Variants in ADGRE3 observed in about 807,000 individuals in gnomAD.
ADGRE3 encodes EGF-like module receptor 3.
Under a neutral mutation model 80.1 loss-of-function variants are expected in ADGRE3, and 88 were observed. The observed-to-expected ratio is 1.10, with a 90% CI of 0.93 to 1.31. ADGRE3 has a LOEUF of 1.31. Among genes scored for constraint, ADGRE3 ranks in the 40% most tolerant of loss-of-function variants. The pLI is 0.00. For synonymous variants in ADGRE3, 281 were observed against 294.8 expected (o/e 0.95, Z 0.48); for missense variants, 715 against 776.5 (o/e 0.92, Z 0.94).
the ADGRE3 span, among the ~76,000 whole-genome samples, chr19:14,613,747 A>T: frequency 2.0e-5 from 3 of 152,078 alleles, no homozygotes; most frequent in African/African-American, 7.2e-5. Context: ...GTACAGTGGC[A>T]TGATCTCGGC....
intron 11 of ADGRE3, among the ~76,000 whole-genome samples, chr19:14,636,129 T>TTC (rs1568481341): frequency 9.1e-5 from 4 of 44,174 alleles, no homozygotes; most frequent in Non-Finnish European, 1.5e-4. Context: ...TTTCTTTCTT[T>TTC]CTTTCTTTCT....
At chr19:14,674,672 A>G in intron 1 of ADGRE3, 74 bp downstream of exon 1, 3 of 1,464,378 alleles carry the variant, frequency 2.0e-6, no homozygotes, top group Non-Finnish European at 2.8e-6. Context: ...AGGAGAAAAT[A>G]ACCAATTGTT....
At chr19:14,673,594 G>T (rs927501804) in intron 1 of ADGRE3, among the ~76,000 whole-genome samples, 1 of 152,202 alleles carries the variant, frequency 6.6e-6, no homozygotes, top group African/African-American at 2.4e-5. Context: ...TACTAGCTGT[G>T]TGATGTTGGA....
chr19:14,607,930 G>C, the ADGRE3 span, among the ~76,000 whole-genome samples: 2 of 152,044 alleles, frequency 1.3e-5, no homozygotes, highest in Non-Finnish European at 1.5e-5. Context: ...GAGTGCAGTG[G>C]TGCAATCTCG....
rs2075101597 is a variant in ADGRE3 at position 14,619,120 on chromosome 19, G to A, written c.*313C>T. 5.9e-6 allele frequency: 2 copies of A among 340,126 alleles called. No homozygotes were observed. The highest frequency in any genetic ancestry group is 2.2e-5 in the African/African-American group (1 of 44,924). The allele number at this position is 340,126 out of a possible 1,614,324, so 21.1% of individuals were successfully genotyped here. On this transcript the variant is annotated 3_prime_UTR_variant, in exon 16 of 16. Transcript: ENST00000253673. ...TGTCTTAAAAAAAGAGCAAGTTTAG[G>A]ATGAGTGGGACTAAGAACTTGAGGA... is the stretch of plus-strand genomic sequence containing the variant.
chr19:14,642,732 C>T (rs983731655), intron 9 of ADGRE3, among the ~76,000 whole-genome samples: 4 of 152,130 alleles, frequency 2.6e-5, no homozygotes, highest in Non-Finnish European at 5.9e-5. Flanking sequence ...CCATCCATGT[C>T]CCTGCAAAGG....
At chr19:14,620,537 T>TATATATATAATATATATA (rs1415988959) in intron 15 of ADGRE3, among the ~76,000 whole-genome samples, 2 of 18,450 alleles carry the variant, frequency 1.1e-4, no homozygotes, top group African/African-American at 6.1e-4. Context: ...TATATATATT[T>TATATATATAATATATATA]TATATATATA....
chr19:14,619,540 A>C, intron 15 of ADGRE3, 69 bp from the exon 16 acceptor site: 1 of 1,204,462 alleles, frequency 8.3e-7, no homozygotes, highest in Non-Finnish European at 1.2e-6. Context: ...AATCAACAAC[A>C]TGGAAAAACA....
chr19:14,627,914 A>G (rs1450019993), intron 14 of ADGRE3, among the ~76,000 whole-genome samples: 1 of 151,892 alleles, frequency 6.6e-6, no homozygotes, highest in African/African-American at 2.4e-5. Context: ...AGATCACCTG[A>G]GGTCGGGAGT....
chr19:14,620,548 T>TATATTTTA, intron 15 of ADGRE3, among the ~76,000 whole-genome samples: 1 of 24,982 alleles, frequency 4.0e-5, no homozygotes, highest in Non-Finnish European at 6.2e-5. Context: ...TATATATATA[T>TATATTTTA]TATATATATA....
intron 8 of ADGRE3, among the ~76,000 whole-genome samples, chr19:14,646,693 C>CTCCT (rs1217192329): frequency 0.41 from 26,466 of 64,706 alleles, 5,385 homozygotes; most frequent in South Asian, 0.5. Flanking sequence ...CCCTCCCTCC[C>CTCCT]TCCTTCCTTC....
chr19:14,645,678 A>T (rs985425791), intron 8 of ADGRE3, among the ~76,000 whole-genome samples: 3 of 152,024 alleles, frequency 2.0e-5, no homozygotes, highest in African/African-American at 7.2e-5. Context: ...AAAAAAAGAA[A>T]ATAGAAAAAC....
chr19:14,633,364 A>C, intron 11 of ADGRE3, 62 bp from the exon 12 acceptor site: 2 of 1,290,148 alleles, frequency 1.6e-6, no homozygotes, highest in East Asian at 2.5e-5. Flanking sequence ...GATCAACATA[A>C]AGTGTCTCTT....
chr19:14,635,813 A>G (rs1488143965), intron 11 of ADGRE3, among the ~76,000 whole-genome samples: 1 of 152,138 alleles, frequency 6.6e-6, no homozygotes, highest in African/African-American at 2.4e-5. Flanking sequence ...CTCTCATCTT[A>G]AATAGGTACA....
rs200791553 is a variant in ADGRE3, at chr19:14,658,508, C to T, written c.393+5G>A. 5.8e-5 allele frequency: 90 copies of T among 1,561,000 alleles called. 1 individual carries two copies. In the South Asian group the frequency reaches 1.0e-3, roughly 17 times the overall value. ...GGAAGGGTCTGGGGATCAGCCTCCA[C>T]TCACCTCTTTCCTGCCCTCGGTTGT... On this transcript the variant is annotated splice_donor_5th_base_variant and intron_variant, in intron 5 of 15. Coordinates refer to ENST00000253673, the MANE Select transcript of ADGRE3 (RefSeq NM_032571.5).
intron 14 of ADGRE3, 23 bp from the exon 15 acceptor site, chr19:14,625,622 T>A (rs1012387428): frequency 6.6e-7 from 1 of 1,506,604 alleles, no homozygotes; most frequent in Non-Finnish European, 9.2e-7. Flanking sequence ...AGGAAATACC[T>A]GGATGGGTTT....
chr19:14,662,622 G>A (rs945755220), intron 3 of ADGRE3, among the ~76,000 whole-genome samples: 2 of 152,076 alleles, frequency 1.3e-5, no homozygotes, highest in Non-Finnish European at 2.9e-5. Context: ...CTGACCTCAG[G>A]TGATCCACCT....
chr19:14,615,315 G>A (rs1218180565), downstream of ADGRE3, among the ~76,000 whole-genome samples: 1 of 143,638 alleles, frequency 7.0e-6, no homozygotes, highest in Non-Finnish European at 1.5e-5. Context: ...CAGCTCCCTC[G>A]TTCCTCGGGA....
chr19:14,672,846 T>C (rs1378356957), intron 1 of ADGRE3, among the ~76,000 whole-genome samples: 1 of 151,990 alleles, frequency 6.6e-6, no homozygotes, highest in Non-Finnish European at 1.5e-5. Flanking sequence ...AACTCCTGGC[T>C]CAAGCAATCT....
Sources: gnomAD v4.1 joint callset for allele counts (sites outside exome capture counted in the v4.1 genomes callset) on GRCh38, gnomAD v4.1.1 for gene constraint, MANE v1.5 for transcripts, NCBI Gene and HGNC (gene_info 2026-07-23, HGNC 2026-07-21) for gene names.